THSD4: variants seen among roughly 807,000 people sequenced by gnomAD.
THSD4 encodes the protein thrombospondin type 1 domain containing 4.
THSD4 carries 69 observed loss-of-function variants against 119.0 expected under a neutral mutation model. The ratio of observed to expected loss-of-function variants is 0.58; its 90% CI spans 0.48 to 0.71. The LOEUF (loss-of-function observed/expected upper bound fraction) is 0.71, where lower values mean the gene tolerates loss of function less well. THSD4 is among the 30% of genes least tolerant of loss of function. THSD4 has a pLI of 0.00. For missense variants in THSD4, 1,393 were observed against 1,391.1 expected (o/e 1.00, Z -0.02); for synonymous variants, 524 against 540.4 (o/e 0.97, Z 0.42).
chr15:71,465,851 A>G (rs1210552212), intron 7 of THSD4, among the ~76,000 whole-genome samples: 1 of 152,198 alleles, frequency 6.6e-6, no homozygotes, highest in African/African-American at 2.4e-5. Flanking sequence ...GAGAATGCCT[A>G]TTCAGGGCAT....
chr15:71,620,312 G>A (rs2050397968), intron 7 of THSD4, among the ~76,000 whole-genome samples: 1 of 152,142 alleles, frequency 6.6e-6, no homozygotes, highest in Non-Finnish European at 1.5e-5. Context: ...TAGTTGTCTG[G>A]CTGGGTGTGG....
intron 8 of THSD4, among the ~76,000 whole-genome samples, chr15:71,724,177 G>T (rs2052776693): frequency 6.7e-6 from 1 of 149,006 alleles, no homozygotes; most frequent in East Asian, 2.0e-4. Context: ...TGGGCTAAAA[G>T]AAGGCGCAGG....
intron 7 of THSD4, among the ~76,000 whole-genome samples, chr15:71,460,918 T>G (rs1174114150): frequency 6.6e-6 from 1 of 152,078 alleles, no homozygotes; most frequent in Non-Finnish European, 1.5e-5. Flanking sequence ...AAAAACTGAG[T>G]TTTACTCATG....
chr15:71,495,177 G>A (rs1323038823), intron 7 of THSD4, among the ~76,000 whole-genome samples: 1 of 152,198 alleles, frequency 6.6e-6, no homozygotes, highest in Non-Finnish European at 1.5e-5. Context: ...ACTGCCAATA[G>A]CAACCCAACC....
intron 7 of THSD4, among the ~76,000 whole-genome samples, chr15:71,555,782 T>A (rs1158423283): frequency 1.3e-5 from 2 of 152,222 alleles, no homozygotes; most frequent in Non-Finnish European, 2.9e-5. Context: ...TAAGTTTTTA[T>A]ACACTTAGAG....
chr15:71,674,941 T>G (rs578072262), intron 8 of THSD4, among the ~76,000 whole-genome samples: 1 of 152,268 alleles, frequency 6.6e-6, no homozygotes, highest in South Asian at 2.1e-4. Flanking sequence ...AGTGCTGAAG[T>G]TTTGTAGGCC....
intron 7 of THSD4, among the ~76,000 whole-genome samples, chr15:71,646,858 C>G (rs1019681035): frequency 6.6e-6 from 1 of 152,180 alleles, no homozygotes; most frequent in Non-Finnish European, 1.5e-5. Flanking sequence ...TCCCTTCCAC[C>G]TGGAATCAGA....
intron 7 of THSD4, among the ~76,000 whole-genome samples, chr15:71,592,404 C>A (rs1252487522): frequency 6.6e-6 from 1 of 152,140 alleles, no homozygotes; most frequent in Non-Finnish European, 1.5e-5. Flanking sequence ...GCCCTGCCGC[C>A]CCAGGAATTG....
intron 2 of THSD4, among the ~76,000 whole-genome samples, chr15:71,149,698 G>A (rs2040701260): frequency 6.6e-6 from 1 of 152,162 alleles, no homozygotes; most frequent in Admixed American, 6.5e-5. Context: ...GAGGAAGAAA[G>A]GAAGTAGTTT....
intron 7 of THSD4, among the ~76,000 whole-genome samples, chr15:71,607,953 G>A (rs983485683): frequency 1.3e-5 from 2 of 152,104 alleles, no homozygotes; most frequent in African/African-American, 4.8e-5. Flanking sequence ...CCTGGGCTGG[G>A]TGGCTTACAC....
At chr15:71,261,337 C>G (rs1238299593) in intron 6 of THSD4, among the ~76,000 whole-genome samples, 1 of 152,084 alleles carries the variant, frequency 6.6e-6, no homozygotes, top group African/African-American at 2.4e-5. Context: ...CAGGAAAATG[C>G]GTGGAAGGAT....
At chr15:71,526,710 G>A in intron 7 of THSD4, among the ~76,000 whole-genome samples, 1 of 152,212 alleles carries the variant, frequency 6.6e-6, no homozygotes, top group East Asian at 1.9e-4. Flanking sequence ...TAGGTGATGT[G>A]AATCCCTAGG....
At chr15:71,633,273 T>TTTC (rs2050670830) in intron 7 of THSD4, among the ~76,000 whole-genome samples, 2 of 75,988 alleles carry the variant, frequency 2.6e-5, no homozygotes, top group South Asian at 1.2e-3. Flanking sequence ...TTCTTTCTTT[T>TTTC]TTTTTTTTTT....
intron 8 of THSD4, among the ~76,000 whole-genome samples, chr15:71,667,921 ATAAATAGC>A (rs1205389309): frequency 6.6e-6 from 1 of 152,196 alleles, no homozygotes; most frequent in African/African-American, 2.4e-5. Context: ...GTAAGTACCA[ATAAATAGC>A]TATTTTCTAA....
At chr15:71,562,251 G>A (rs1054382474) in intron 7 of THSD4, among the ~76,000 whole-genome samples, 27 of 152,150 alleles carry the variant, frequency 1.8e-4, no homozygotes, top group Non-Finnish European at 8.8e-5. Context: ...GTTTAAACCA[G>A]GTACATTAAA....
intron 5 of THSD4, among the ~76,000 whole-genome samples, chr15:71,246,988 C>G (rs1325886670): frequency 7.1e-6 from 1 of 141,834 alleles, no homozygotes; most frequent in African/African-American, 2.7e-5. Flanking sequence ...CTCCCCAGTT[C>G]AAGGGTTCAA....
chr15:71,446,874 G>A (rs1342769522), intron 7 of THSD4, among the ~76,000 whole-genome samples: 1 of 152,040 alleles, frequency 6.6e-6, no homozygotes, highest in African/African-American at 2.4e-5. Flanking sequence ...TAAGAGTCAG[G>A]GACATGTTTC....
chr15:71,642,454 A>G (rs1048714172), intron 7 of THSD4, among the ~76,000 whole-genome samples: 2 of 152,150 alleles, frequency 1.3e-5, no homozygotes, highest in Non-Finnish European at 1.5e-5. Flanking sequence ...TACTGGGTAT[A>G]TACCCAAAGG....
At chr15:71,101,995 G>T (rs1171638553) in intron 1 of THSD4, among the ~76,000 whole-genome samples, 1 of 152,174 alleles carries the variant, frequency 6.6e-6, no homozygotes, top group African/African-American at 2.4e-5. Context: ...TTACAGGCAT[G>T]AGCCACTGTG....
Sources: allele counts gnomAD v4.1 joint callset (sites outside exome capture counted in the v4.1 genomes callset), GRCh38; gene constraint gnomAD v4.1.1; transcripts MANE v1.5; gene names NCBI Gene and HGNC (gene_info 2026-07-23, HGNC 2026-07-21).